BRCA1: variants seen among roughly 807,000 people sequenced by gnomAD.
The protein encoded by BRCA1 is BRCA1 DNA repair associated, also known as breast cancer type 1 susceptibility protein.
In BRCA1, 140 loss-of-function variants were observed where a neutral mutation model predicts 173.7. The ratio of observed to expected loss-of-function variants is 0.81; its 90% CI spans 0.70 to 0.93. BRCA1 has a LOEUF of 0.93. BRCA1 is among the 40% of genes least tolerant of loss of function. BRCA1 has a pLI of 0.00. For missense variants in BRCA1, 1,983 were observed against 2,172.5 expected, an observed-to-expected ratio of 0.91 and a Z score of 1.73; for synonymous variants, 662 against 756.0, an observed-to-expected ratio of 0.88 and a Z score of 2.04.
chr17:43,102,356 G>GTTTTTTT (rs1312777678), intron 6 of BRCA1, among the ~76,000 whole-genome samples: 1 of 86,976 alleles, frequency 1.1e-5, no homozygotes, highest in African/African-American at 5.9e-5. Context: ...CAGGCGTGAA[G>GTTTTTTT]CTTTTTTTTT....
intron 16 of BRCA1, among the ~76,000 whole-genome samples, chr17:43,065,697 A>G (rs966216814): frequency 4.6e-5 from 7 of 152,074 alleles, no homozygotes; most frequent in African/African-American, 1.7e-4. Context: ...CAAAAGAATC[A>G]TCATCAAGTG....
rs750344093 is a variant in BRCA1, at chr17:43,082,574, T to C, written c.4187A>G (p.Gln1396Arg). 6.2e-7 allele frequency: 1 copy of C among 1,614,132 alleles called. No individual in the cohort carries two copies. The highest frequency in any genetic ancestry group is 8.5e-7 in the Non-Finnish European group (1 of 1,180,012). Residue 1396 changes from glutamine to arginine, a missense_variant and splice_region_variant, in exon 12 of 23, where the codon CAG (glutamine) becomes CGG (arginine). Coordinates refer to ENST00000357654, the MANE Select transcript of BRCA1 (RefSeq NM_007294.4). ...SSQSDILTTQ[Q>R]RDTMQHNLIK... ...CAGGTTATGTTGCATGGTATCCCTC[T>C]GCTTCAAAAACGATAAATGGCACCA...
At position 43,045,560 on chromosome 17, in the gene BRCA1, T is replaced by C. The variant is rs1340152564; in HGVS notation, c.*118A>G. The C allele has an allele frequency of 6.9e-7, 1 of 1,446,586 alleles. No individual in the cohort carries two copies. Among genetic ancestry groups the C allele is most frequent in the African/African-American group, 1.4e-5 (1 of 71,088 alleles). The allele number at this position is 1,446,586 out of a possible 1,614,324, so 89.6% of individuals were successfully genotyped here. On this transcript the variant is annotated 3_prime_UTR_variant, in exon 23 of 23. Coordinates refer to ENST00000357654, the MANE Select transcript of BRCA1 (RefSeq NM_007294.4). ...TTTTCAGGCTGATGTACATAAAATA[T>C]TTAGTAGCCAGGACAGTAGAAGGAC...
In BRCA1 at chr17:43,153,150, T is replaced by C. The variant is rs547436229; in HGVS notation, c.-20+16976A>G. On this transcript the variant is annotated intron_variant, in intron 1 of 7. Transcript: ENST00000634433. ...ACTGCTGGACAGGTCACTCGACCTG[T>C]AGAGTTTTGTGCATTTTGGATTTTG... 2.6e-5 allele frequency among the ~76,000 whole-genome samples: 4 copies of C among 152,332 alleles called. No individual in the cohort carries two copies. The East Asian group carries it at 5.8e-4, about 22-fold the overall frequency.
chr17:43,076,740 A>G (rs1396567397), intron 12 of BRCA1, 126 bp from the exon 13 acceptor site: 3 of 1,073,458 alleles, frequency 2.8e-6, no homozygotes, highest in East Asian at 2.4e-5. Context: ...TTAAACAAGT[A>G]TATCAGGCAG....
chr17:43,136,196 A>G (rs1567828769), intron 1 of BRCA1, among the ~76,000 whole-genome samples: 1 of 152,246 alleles, frequency 6.6e-6, no homozygotes, highest in Non-Finnish European at 1.5e-5. Context: ...AGGATTCCCT[A>G]TTTAATAAAT....
chr17:43,111,598 G>A (rs1416801951), intron 3 of BRCA1, among the ~76,000 whole-genome samples: 1 of 151,876 alleles, frequency 6.6e-6, no homozygotes, highest in Admixed American at 6.6e-5. Flanking sequence ...AAGGCGGGCA[G>A]ATCACGAGGT....
rs772854836 is a variant in BRCA1, at chr17:43,092,552, T to C, written c.2979A>G (p.Lys993=). 37 of 1,614,092 alleles carry C rather than the reference T, an allele frequency of 2.3e-5. No individual in the cohort carries two copies. In the South Asian group the frequency reaches 3.7e-4, roughly 16 times the overall value. The change falls in exon 10 of 23, where the codon AAA becomes AAG. Residue 993 remains lysine, a synonymous_variant. Transcript: ENST00000357654. ...LFPIKSFVKT[K]CKKNLLEENF... ...TTTCCTCTAGCAGATTTTTCTTACA[T>C]TTAGTTTTAACAAATGACTTGATGG... is the stretch of plus-strand genomic sequence containing the variant.
At chr17:43,134,586 C>T (rs1342706143) in intron 1 of BRCA1, among the ~76,000 whole-genome samples, 1 of 152,138 alleles carries the variant, frequency 6.6e-6, no homozygotes, top group Non-Finnish European at 1.5e-5. Flanking sequence ...GAAAGGATTT[C>T]CCTACTAAAT....
intron 1 of BRCA1, chr17:43,167,519 C>A (rs1000124026): frequency 6.6e-6 from 1 of 152,184 alleles, no homozygotes; most frequent in Non-Finnish European, 1.5e-5. Context: ...TATACAATGT[C>A]TGTAATCTAT....
rs80356999 is a variant in BRCA1, at chr17:43,093,256, G to A, written c.2275C>T (p.Gln759Ter). 6.2e-7 allele frequency: 1 copy of A among 1,614,022 alleles called. No homozygotes were observed. Among genetic ancestry groups the A allele is most frequent in the East Asian group, 2.2e-5 (1 of 44,878 alleles). ...CTACTCTCTACAGATCTTTCAGTTT[G>A]CAAAACCCTTTCTCCACTTAACATG... ...DLMLSGERVL[Q>*]TERSVESSSI... Residue 759 changes from glutamine to a stop codon, truncating the protein, a stop_gained, in exon 10 of 23, where the codon CAA becomes TAA. Transcript: ENST00000357654. LOFTEE classifies it high-confidence loss of function.
chr17:43,103,205 G>A (rs969238720), intron 6 of BRCA1, among the ~76,000 whole-genome samples: 15 of 152,080 alleles, frequency 9.9e-5, no homozygotes, highest in Non-Finnish European at 1.0e-4. Context: ...GGTGGCTCAC[G>A]CCTGTAATCC....
chr17:43,067,273 T>TTTTTA, intron 16 of BRCA1: 1 of 176,734 alleles, frequency 5.7e-6, no homozygotes. Context: ...TTTTTTTTTT[T>TTTTTA]GAGACGGAGC....
rs45553935 is a variant in BRCA1 at position 43,057,122 on chromosome 17, A to G, written c.5207T>C (p.Val1736Ala). ...RKMLNEHDFE[V>A]RGDVVNGRNH... is the part of the protein sequence containing the mutation. ...TCTTCCATTGACCACATCTCCTCTG[A>G]CTTCAAAATCATGCTGAAAGAAACC... The change falls in exon 19 of 23, where the codon GTC (valine) becomes GCC (alanine). Residue 1736 changes from valine (V) to alanine (A), a missense_variant. Val to Ala is a moderately conservative substitution (Grantham distance 64). Coordinates refer to ENST00000357654, the MANE Select transcript of BRCA1 (RefSeq NM_007294.4). The G allele has an allele frequency of 8.1e-6, 13 of 1,613,984 alleles. No homozygotes were observed. Among genetic ancestry groups the G allele is most frequent in the Non-Finnish European group, 1.0e-5 (12 of 1,179,920 alleles).
chr17:43,101,718 T>C (rs1377082470), intron 6 of BRCA1, among the ~76,000 whole-genome samples: 1 of 151,662 alleles, frequency 6.6e-6, no homozygotes, highest in African/African-American at 2.4e-5. Flanking sequence ...GCCAGGCTGG[T>C]CTCAAACTCC....
chr17:43,147,092 C>A (rs2154581544), intron 1 of BRCA1, among the ~76,000 whole-genome samples: 1 of 152,298 alleles, frequency 6.6e-6, no homozygotes. Flanking sequence ...GCAACCTCTG[C>A]CTCCTGGGTT....
intron 4 of BRCA1, among the ~76,000 whole-genome samples, chr17:43,106,243 T>C (rs1429441144): frequency 6.6e-6 from 1 of 152,120 alleles, no homozygotes; most frequent in African/African-American, 2.4e-5. Context: ...CTAGAAGCAT[T>C]AGAGAAAGGC....
Position 43,093,750 on chromosome 17 carries a change from A to G in BRCA1, c.1781T>C (p.Met594Thr), listed in dbSNP as rs2053884703. The G allele has an allele frequency of 6.2e-7, 1 of 1,614,006 alleles. No individual in the cohort carries two copies. Among genetic ancestry groups the G allele is most frequent in the Non-Finnish European group, 8.5e-7 (1 of 1,180,012 alleles). Residue 594 changes from methionine to threonine, a missense_variant, in exon 10 of 23, where the codon ATG (methionine) becomes ACG (threonine). Transcript: ENST00000357654. ...ATTGTGGATATTTAATTCGAGTTCC[A>G]TATTGCTTATACTGCTGCTTATAGG... ...AEPISSSISN[M>T]ELELNIHNSK...
At chr17:43,114,885 A>G (rs2055192147) in intron 3 of BRCA1, among the ~76,000 whole-genome samples, 2 of 152,306 alleles carry the variant, frequency 1.3e-5, no homozygotes, top group South Asian at 4.1e-4. Flanking sequence ...TTTTTCTGAA[A>G]TTCTTTTATT....
Sources: gnomAD v4.1 joint callset for allele counts (sites outside exome capture counted in the v4.1 genomes callset) on GRCh38, gnomAD v4.1.1 for gene constraint, MANE v1.5 for transcripts, NCBI Gene and HGNC (gene_info 2026-07-23, HGNC 2026-07-21) for gene names.